Variants in PHF21B observed in about 807,000 individuals in gnomAD.
PHF21B encodes PHD finger protein 4.
PHF21B carries 22 observed loss-of-function variants against 62.2 expected under a neutral mutation model. The observed-to-expected ratio is 0.35, with a 90% CI of 0.25 to 0.51. The LOEUF is 0.51. Among genes scored for constraint, PHF21B ranks in the 20% least tolerant of loss-of-function variants. The probability of loss-of-function intolerance (pLI) is 0.97; values close to 1 mark genes in which losing one functional copy is unlikely to be tolerated. For synonymous variants in PHF21B, 341 were observed against 314.7 expected, an observed-to-expected ratio of 1.08 and a Z score of -0.88; for missense variants, 701 against 707.9, an observed-to-expected ratio of 0.99 and a Z score of 0.11.
chr22:44,935,135 TC>T (rs1354824342), intron 2 of PHF21B, among the ~76,000 whole-genome samples: 1 of 151,992 alleles, frequency 6.6e-6, no homozygotes. Context: ...CCCGACACAC[TC>T]CCTCTGACCT....
intron 2 of PHF21B, among the ~76,000 whole-genome samples, chr22:44,984,816 C>A (rs1273069599): frequency 1.3e-5 from 2 of 152,220 alleles, no homozygotes; most frequent in East Asian, 3.8e-4. Context: ...GCATTTCCCG[C>A]TGGTGGCCAA....
chr22:44,947,149 C>T (rs999646340), intron 2 of PHF21B, among the ~76,000 whole-genome samples: 6 of 152,220 alleles, frequency 3.9e-5, no homozygotes, highest in Non-Finnish European at 5.9e-5. Flanking sequence ...AGAAGCCTGG[C>T]CTTGCAGGCT....
At chr22:44,940,918 G>A (rs1002183701) in intron 2 of PHF21B, among the ~76,000 whole-genome samples, 1 of 152,204 alleles carries the variant, frequency 6.6e-6, no homozygotes, top group Admixed American at 6.5e-5. Flanking sequence ...TGAGTGGGGG[G>A]CTGTCGTTTC....
intron 2 of PHF21B, among the ~76,000 whole-genome samples, chr22:44,927,768 T>C (rs867286390): frequency 6.6e-6 from 1 of 152,176 alleles, no homozygotes. Context: ...CTGGAATTTA[T>C]TGACACCAGC....
chr22:44,995,351 C>T (rs1457880982), intron 2 of PHF21B, among the ~76,000 whole-genome samples: 1 of 152,204 alleles, frequency 6.6e-6, no homozygotes, highest in Non-Finnish European at 1.5e-5. Context: ...TTCAAGTCCA[C>T]TCAGCAGAAC....
rs1489135846 is a variant in PHF21B at position 44,916,353 on chromosome 22, G to A, written c.491C>T (p.Ala164Val). 2 of 1,596,722 alleles carry A rather than the reference G, an allele frequency of 1.3e-6. No individual in the cohort carries two copies. Among genetic ancestry groups the A allele is most frequent in the Admixed American group, 1.8e-5 (1 of 54,898 alleles). Reference sequence around the variant, plus strand: ...GACCACAGACACGGCGGTGCTGGGGGCCATGGCGGCGGCATTGCTGGGGGA... The same window carrying A: ...GACCACAGACACGGCGGTGCTGGGGACCATGGCGGCGGCATTGCTGGGGGA... ...STSPSNAAAM[A>V]PSTAVSVVSD... The change falls in exon 4 of 13, where the codon GCC (alanine) becomes GTC (valine). Residue 164 changes from alanine (A) to valine (V), a missense_variant. By Grantham distance (64) the Ala-to-Val change is moderately conservative. Transcript: ENST00000313237.
rs1010967450 is a variant in PHF21B, at chr22:45,008,424, A to G, written c.120+121T>C. On this transcript the variant is annotated intron_variant, in intron 2 of 12. Coordinates refer to ENST00000313237, the MANE Select transcript of PHF21B (RefSeq NM_138415.5). ...AGGGGTGGGGAACTTTGAGAACTGG[A>G]GACAGACCCCTCTGGGAGTCTGAGC... 132 of 914,240 alleles carry G rather than the reference A, an allele frequency of 1.4e-4. No homozygotes were observed. In the Admixed American group the frequency reaches 1.7e-3, roughly 12 times the overall value. 56.6% of individuals were successfully genotyped at this position (914,240 alleles called of 1,614,324 possible). A position where few individuals can be genotyped will look rare whatever the true frequency, so the allele number is the denominator to read the frequency against.
intron 1 of PHF21B, chr22:45,008,917 A>G: frequency 8.8e-7 from 1 of 1,131,964 alleles, no homozygotes; most frequent in Non-Finnish European, 1.1e-6. Flanking sequence ...TGTGAGTGTG[A>G]GTGTGTGCCG....
intron 12 of PHF21B, 44 bp from the exon 13 acceptor site, chr22:44,883,348 C>G (rs1182261677): frequency 1.3e-6 from 2 of 1,578,034 alleles, no homozygotes; most frequent in Non-Finnish European, 1.7e-6. Context: ...GTATTCGGCT[C>G]TACAGCCATC....
chr22:44,887,538 T>C (rs561894244), intron 10 of PHF21B, among the ~76,000 whole-genome samples: 3 of 152,082 alleles, frequency 2.0e-5, no homozygotes, highest in African/African-American at 4.8e-5. Flanking sequence ...CTTGATCACC[T>C]GAGGTCAGGA....
chr22:44,906,867 G>A (rs185087500), intron 5 of PHF21B, among the ~76,000 whole-genome samples: 2 of 152,216 alleles, frequency 1.3e-5, no homozygotes, highest in Admixed American at 6.5e-5. Context: ...GATGGCCACC[G>A]CCCTGCAGTG....
intron 2 of PHF21B, among the ~76,000 whole-genome samples, chr22:44,986,427 G>A (rs759334725): frequency 4.2e-4 from 63 of 148,944 alleles, no homozygotes; most frequent in Non-Finnish European, 6.2e-4. Flanking sequence ...ACCTGCATCC[G>A]CATGATCCAA....
chr22:45,008,580 T>G lies in PHF21B; in HGVS notation c.85A>C (p.Arg29=). 3 of 1,589,980 alleles carry G rather than the reference T, an allele frequency of 1.9e-6. No homozygotes were observed. The highest frequency in any genetic ancestry group is 1.7e-6 in the Non-Finnish European group (2 of 1,168,974). ...NGDLKKQLHE[R]QPRIAALSDK... is the part of the protein sequence containing the mutation. ...CTGAGCGCGGCGATCCGCGGCTGCCTTTCGTGGAGCTGCTTCTTGAGGTCG... is the reference window on the plus strand; with the variant it reads ...CTGAGCGCGGCGATCCGCGGCTGCCGTTCGTGGAGCTGCTTCTTGAGGTCG... The change falls in exon 2 of 13, where the codon AGG becomes CGG. Residue 29 remains arginine, a synonymous_variant. Transcript: ENST00000313237.
At chr22:44,890,162 T>C (rs1012329009) in intron 8 of PHF21B, among the ~76,000 whole-genome samples, 7 of 152,128 alleles carry the variant, frequency 4.6e-5, no homozygotes, top group Non-Finnish European at 1.0e-4. Context: ...AGTAAGGATC[T>C]CAGCCCTGGT....
At chr22:44,888,822 GTCACACAGGGAGGGGGAGGCAGTTA>G (rs1459884024) in intron 9 of PHF21B, among the ~76,000 whole-genome samples, 9 of 152,190 alleles carry the variant, frequency 5.9e-5, no homozygotes, top group African/African-American at 1.4e-4. Context: ...AGAGGCGGTT[GTCACACAGGGAGGGGGAGGCAGTTA>G]TCACACAGCA....
At chr22:44,892,893 A>C (rs970897789) in intron 7 of PHF21B, among the ~76,000 whole-genome samples, 6 of 152,134 alleles carry the variant, frequency 3.9e-5, no homozygotes, top group Non-Finnish European at 5.9e-5. Flanking sequence ...GGCATCCTTA[A>C]ATCCCAACCC....
At chr22:44,930,783 C>CA (rs2071726110) in intron 2 of PHF21B, among the ~76,000 whole-genome samples, 1 of 86 alleles carries the variant, frequency 0.012, no homozygotes, top group South Asian at 0.5. Context: ...GGTTGCTGGC[C>CA]AAGCCCTGAA....
At chr22:44,982,744 AT>A (rs2072865881) in intron 2 of PHF21B, among the ~76,000 whole-genome samples, 1 of 152,138 alleles carries the variant, frequency 6.6e-6, no homozygotes, top group Non-Finnish European at 1.5e-5. Context: ...ATTAATGGTG[AT>A]TTTTATCTGG....
chr22:44,897,728 C>G (rs1032114010), intron 5 of PHF21B, among the ~76,000 whole-genome samples: 2 of 152,162 alleles, frequency 1.3e-5, no homozygotes, highest in Non-Finnish European at 2.9e-5. Flanking sequence ...CCTGTATACC[C>G]CACACCCAGT....
Sources: allele counts gnomAD v4.1 joint callset (sites outside exome capture counted in the v4.1 genomes callset), GRCh38; gene constraint gnomAD v4.1.1; transcripts MANE v1.5; gene names NCBI Gene and HGNC (gene_info 2026-07-23, HGNC 2026-07-21).